Variants in HARBI1 observed in about 807,000 individuals in gnomAD.
HARBI1 encodes the protein harbinger transposase derived 1.
HARBI1 carries 15 observed loss-of-function variants against 25.3 expected under a neutral mutation model. The observed-to-expected ratio is 0.59, with a 90% CI of 0.40 to 0.91. HARBI1 has a LOEUF of 0.91. Ranked by LOEUF, HARBI1 falls within the 40% of genes least tolerant of loss-of-function variation. HARBI1 has a pLI of 0.00. For missense variants in HARBI1, 396 were observed against 445.8 expected (o/e 0.89, Z 1.01); for synonymous variants, 168 against 160.5 (o/e 1.05, Z -0.35).
At chr11:46,604,366 T>TTA in intron 2 of HARBI1, 1 of 811,184 alleles carries the variant, frequency 1.2e-6, no homozygotes, top group Non-Finnish European at 1.5e-6. Flanking sequence ...GATCACGCCA[T>TTA]TGCACTCCAA....
chr11:46,614,731 T>C (rs1180286835), intron 2 of HARBI1, among the ~76,000 whole-genome samples: 1 of 152,186 alleles, frequency 6.6e-6, no homozygotes. Flanking sequence ...CCAGTTGTAC[T>C]AGTACGTGCC....
intron 1 of HARBI1, chr11:46,616,704 CAT>C: frequency 3.0e-6 from 3 of 992,502 alleles, no homozygotes; most frequent in Non-Finnish European, 3.6e-6. Flanking sequence ...AAGCAGCTGA[CAT>C]ATGTCATAAC....
intron 2 of HARBI1, among the ~76,000 whole-genome samples, chr11:46,611,325 A>C (rs2045175711): frequency 6.6e-6 from 1 of 152,162 alleles, no homozygotes; most frequent in African/African-American, 2.4e-5. Flanking sequence ...ACTCTTAAAG[A>C]GTTTTTATAA....
In HARBI1 at chr11:46,616,250, T is replaced by C. The variant is rs2045452748; in HGVS notation, c.-13A>G. The stretch of plus-strand genomic sequence containing the variant: ...TTGGTATAGCCATGGTAAATGTGAA[T>C]GTTGGCTCTCCTCTTTGCTTTTTCT... On this transcript the variant is annotated 5_prime_UTR_variant, in exon 2 of 3. Coordinates refer to ENST00000326737, the MANE Select transcript of HARBI1 (RefSeq NM_173811.4). 1 of 1,592,792 alleles carries C rather than the reference T, an allele frequency of 6.3e-7. No homozygotes were observed. The highest frequency in any genetic ancestry group is 1.7e-5 in the Admixed American group (1 of 58,876).
intron 2 of HARBI1, among the ~76,000 whole-genome samples, chr11:46,607,284 A>C (rs1248842992): frequency 6.7e-6 from 1 of 149,274 alleles, no homozygotes; most frequent in Admixed American, 6.7e-5. Context: ...AAAAAAGATT[A>C]TCTCTTATTA....
chr11:46,609,137 T>A (rs1163479470), intron 2 of HARBI1, among the ~76,000 whole-genome samples: 1 of 152,090 alleles, frequency 6.6e-6, no homozygotes, highest in Admixed American at 6.6e-5. Flanking sequence ...TTGGCCAGGC[T>A]GGTCTCAAAC....
chr11:46,615,141 A>T (rs551345913), intron 2 of HARBI1, among the ~76,000 whole-genome samples: 54 of 151,314 alleles, frequency 3.6e-4, no homozygotes, highest in African/African-American at 1.3e-3. Context: ...TAAACTCCCA[A>T]CCTCAGGTGA....
intron 2 of HARBI1, among the ~76,000 whole-genome samples, chr11:46,605,950 A>T (rs1167626763): frequency 6.6e-6 from 1 of 151,452 alleles, no homozygotes; most frequent in Non-Finnish European, 1.5e-5. Flanking sequence ...CAGTAGCATG[A>T]TCTCGGCTCA....
chr11:46,603,984 ATAC>A, intron 2 of HARBI1, 75 bp from the exon 3 acceptor site: 1 of 1,496,826 alleles, frequency 6.7e-7, no homozygotes, highest in East Asian at 2.3e-5. Context: ...CAGAAAACAT[ATAC>A]TGACAATGGA....
Position 46,615,555 on chromosome 11 carries a change from C to G in HARBI1, c.670+13G>C, listed in dbSNP as rs1298313975. On this transcript the variant is annotated intron_variant, in intron 2 of 2. Coordinates refer to ENST00000326737, the MANE Select transcript of HARBI1 (RefSeq NM_173811.4). ...CCTCCAAACAAAATGAAAATTCACACTTGCAAACTTACCCAGAAGCCAGCT... is the reference window on the plus strand; with the variant it reads ...CCTCCAAACAAAATGAAAATTCACAGTTGCAAACTTACCCAGAAGCCAGCT... 1.9e-6 allele frequency: 3 copies of G among 1,608,360 alleles called. No individual in the cohort carries two copies. Among genetic ancestry groups the G allele is most frequent in the Non-Finnish European group, 1.7e-6 (2 of 1,175,856 alleles).
chr11:46,617,544 C>G (rs966705149), upstream of HARBI1: 5 of 231,598 alleles, frequency 2.2e-5, 1 homozygote, highest in Non-Finnish European at 3.9e-5. Context: ...TCTTTCACCC[C>G]CCCCCCCCGG....
Position 46,603,435 on chromosome 11 carries a change from C to G in HARBI1, c.*95G>C, listed in dbSNP as rs1219003205. The G allele has an allele frequency of 9.2e-7, 1 of 1,087,736 alleles. No individual in the cohort carries two copies. The highest frequency in any genetic ancestry group is 1.6e-5 in the African/African-American group (1 of 63,318). The allele number at this position is 1,087,736 out of a possible 1,614,324, so 67.4% of individuals were successfully genotyped here. ...TCAGTTTATGACAAGTATCTGTATA[C>G]TCAGTCATGCTAGATGATGGAACTG... On this transcript the variant is annotated 3_prime_UTR_variant, in exon 3 of 3. Coordinates refer to ENST00000326737, the MANE Select transcript of HARBI1 (RefSeq NM_173811.4).
At chr11:46,611,620 A>G (rs2045186200) in intron 2 of HARBI1, among the ~76,000 whole-genome samples, 1 of 151,596 alleles carries the variant, frequency 6.6e-6, no homozygotes, top group African/African-American at 2.4e-5. Context: ...CTGAGGTAGG[A>G]GGATCAATTG....
chr11:46,616,806 A>G (rs2135426058), intron 1 of HARBI1: 1 of 956,640 alleles, frequency 1.0e-6, no homozygotes, highest in East Asian at 1.2e-4. Context: ...GGGTGTTCAA[A>G]CCAGTCTAAC....
At chr11:46,605,302 C>T (rs918145404) in intron 2 of HARBI1, among the ~76,000 whole-genome samples, 5 of 152,100 alleles carry the variant, frequency 3.3e-5, no homozygotes, top group African/African-American at 1.2e-4. Flanking sequence ...CAGCCTCAAC[C>T]TTCCAGCCTC....
chr11:46,612,395 T>TA (rs138585672), intron 2 of HARBI1, among the ~76,000 whole-genome samples: 28 of 146,508 alleles, frequency 1.9e-4, no homozygotes, highest in Admixed American at 2.1e-4. Flanking sequence ...AGTAGCACAT[T>TA]AAAAAAAAAA....
upstream of HARBI1, chr11:46,617,743 CT>C: frequency 2.5e-6 from 1 of 398,678 alleles, no homozygotes; most frequent in Non-Finnish European, 4.4e-6. Flanking sequence ...CAGGACCCTT[CT>C]GAAGCCTTAG....
rs2045467621 is a variant in HARBI1, at chr11:46,616,391, T to C, written c.-144-10A>G. 2.8e-6 allele frequency: 4 copies of C among 1,427,884 alleles called. No homozygotes were observed. The highest frequency in any genetic ancestry group is 3.6e-6 in the Non-Finnish European group (4 of 1,097,832). The allele number at this position is 1,427,884 out of a possible 1,614,324, so 88.5% of individuals were successfully genotyped here. A position where few individuals can be genotyped will look rare whatever the true frequency, so the allele number is the denominator to read the frequency against. On this transcript the variant is annotated splice_polypyrimidine_tract_variant and intron_variant, in intron 1 of 2. Coordinates refer to ENST00000326737, the MANE Select transcript of HARBI1 (RefSeq NM_173811.4). ...ATTTATAATCTTCTCTCTGTAAATG[T>C]TAAAAGAAAAAACATTAGGAACCTA... is the stretch of plus-strand genomic sequence containing the variant.
intron 2 of HARBI1, chr11:46,604,159 A>T: frequency 3.0e-6 from 3 of 985,448 alleles, no homozygotes; most frequent in Non-Finnish European, 3.6e-6. Flanking sequence ...TGGCACCTAA[A>T]GGAAGCCAAA....
Sources: gnomAD v4.1 joint callset for allele counts (sites outside exome capture counted in the v4.1 genomes callset) on GRCh38, gnomAD v4.1.1 for gene constraint, MANE v1.5 for transcripts, NCBI Gene and HGNC (gene_info 2026-07-23, HGNC 2026-07-21) for gene names.